Variants in RIMS3 observed in about 807,000 individuals in gnomAD.
RIMS3 encodes regulating synaptic membrane exocytosis 3.
RIMS3 carries 15 observed loss-of-function variants against 29.2 expected under a neutral mutation model. The observed-to-expected ratio is 0.51, with a 90% CI of 0.34 to 0.79. The LOEUF (loss-of-function observed/expected upper bound fraction) is 0.79. RIMS3 is among the 30% of genes least tolerant of loss of function. The pLI, the probability that RIMS3 is intolerant of heterozygous loss-of-function variation, is 0.01. For missense variants in RIMS3, 342 were observed against 421.4 expected (o/e 0.81, Z 1.65); for synonymous variants, 161 against 170.1 (o/e 0.95, Z 0.41).
the RIMS3 span, among the ~76,000 whole-genome samples, chr1:40,683,013 C>T: frequency 6.6e-6 from 1 of 151,996 alleles, no homozygotes; most frequent in Admixed American, 6.6e-5. Flanking sequence ...GCATGAGTCA[C>T]TGTGCCTGGC....
chr1:40,663,807 C>T (rs923862377), intron 1 of RIMS3, among the ~76,000 whole-genome samples: 6 of 152,162 alleles, frequency 3.9e-5, no homozygotes, highest in African/African-American at 1.4e-4. Flanking sequence ...CACCTGGCTC[C>T]TGCACGCCCG....
upstream of RIMS3, among the ~76,000 whole-genome samples, chr1:40,666,384 C>T (rs1642425638): frequency 6.6e-6 from 1 of 152,214 alleles, no homozygotes; most frequent in African/African-American, 2.4e-5. Flanking sequence ...TGCTGCTACA[C>T]GCCTTCAATG....
intron 1 of RIMS3, among the ~76,000 whole-genome samples, chr1:40,658,949 C>A (rs377458698): frequency 1.3e-5 from 2 of 152,104 alleles, no homozygotes; most frequent in Admixed American, 6.5e-5. Context: ...GCCGGAGGTA[C>A]GCAGATGAAC....
chr1:40,661,198 AGAT>A (rs1321000699), intron 1 of RIMS3, among the ~76,000 whole-genome samples: 1 of 152,166 alleles, frequency 6.6e-6, no homozygotes, highest in East Asian at 1.9e-4. Context: ...TATACCACAG[AGAT>A]GATAATAGTA....
the RIMS3 span, among the ~76,000 whole-genome samples, chr1:40,678,449 TCCTCCCTCCCTAAA>T: frequency 6.6e-6 from 1 of 152,080 alleles, no homozygotes; most frequent in Non-Finnish European, 1.5e-5. Context: ...TCTCTTTCTC[TCCTCCCTCCCTAAA>T]CTCTACTCTG....
chr1:40,636,203 GGCTGA>G lies in RIMS3; in HGVS notation c.218-151_218-147del. On this transcript the variant is annotated intron_variant, in intron 3 of 7. Transcript: ENST00000372684. The surrounding 1 kb of genome is among the most constrained non-coding windows in gnomAD (Gnocchi z 4.2). Reference sequence around the variant, plus strand: ...GGGCTCTGACTGGAGGCAGGGGCATGGCTGAGCTGACCTCAGAGCTGGTCTGCAGC... The same window carrying G: ...GGGCTCTGACTGGAGGCAGGGGCATGGCTGACCTCAGAGCTGGTCTGCAGC... 1 of 1,041,594 alleles carries G rather than the reference GGCTGA, an allele frequency of 9.6e-7. No homozygotes were observed. The highest frequency in any genetic ancestry group is 2.6e-4 in the Middle Eastern group (1 of 3,858). 64.5% of individuals were successfully genotyped at this position (1,041,594 alleles called of 1,614,324 possible).
chr1:40,647,767 C>T lies in RIMS3; in HGVS notation c.-131G>A, dbSNP rs369808143. 2.6e-5 allele frequency: 4 copies of T among 151,906 alleles called. No homozygotes were observed. The highest frequency in any genetic ancestry group is 2.1e-4 in the South Asian group (1 of 4,808). 9.4% of individuals were successfully genotyped at this position (151,906 alleles called of 1,614,324 possible). A position where few individuals can be genotyped will look rare whatever the true frequency, so the allele number is the denominator to read the frequency against. On this transcript the variant is annotated 5_prime_UTR_variant, in exon 2 of 8. Coordinates refer to ENST00000372684, the MANE Select transcript of RIMS3 (RefSeq NM_014747.3). Reference sequence around the variant, plus strand: ...GCACAAGGCTTCAATTGACTTCTGCCAAAACACCAATTTTCAAGAAATGAG... The same window carrying T: ...GCACAAGGCTTCAATTGACTTCTGCTAAAACACCAATTTTCAAGAAATGAG...
rs2148357751 is a variant in RIMS3, at chr1:40,654,614, CACAG to C, written c.-206-6776_-206-6773del. On this transcript the variant is annotated intron_variant, in intron 1 of 7. Transcript: ENST00000372684. This position sits in a 1 kb window ranked among gnomAD's most constrained non-coding sequence, Gnocchi z 5.3. Reference sequence around the variant, plus strand: ...TCACATGGCATGGAGATGCAGCTACCACAGACTCACACACATCACACAGACCCAC... The same window carrying C: ...TCACATGGCATGGAGATGCAGCTACCACTCACACACATCACACAGACCCAC... Among the ~76,000 whole-genome samples the C allele has an allele frequency of 6.6e-6, 1 of 152,006 alleles. No individual in the cohort carries two copies. The highest frequency in any genetic ancestry group is 2.4e-5 in the African/African-American group (1 of 41,470).
At position 40,654,290 on chromosome 1, in the gene RIMS3, C is replaced by A. The variant is rs1642240903; in HGVS notation, c.-206-6448G>T. On this transcript the variant is annotated intron_variant, in intron 1 of 7. Coordinates refer to ENST00000372684, the MANE Select transcript of RIMS3 (RefSeq NM_014747.3). The surrounding 1 kb of genome is among the most constrained non-coding windows in gnomAD (Gnocchi z 5.3). ...CCGCGCCTGCTGCCCACCCTGGGGA[C>A]CCTCCTCAGAAACCCAGCACAGGCT... is the stretch of plus-strand genomic sequence containing the variant. Among the ~76,000 whole-genome samples, 1 of 152,206 alleles carries A rather than the reference C, an allele frequency of 6.6e-6. No individual in the cohort carries two copies. The highest frequency in any genetic ancestry group is 2.4e-5 in the African/African-American group (1 of 41,438).
chr1:40,656,170 G>C (rs1642270386), intron 1 of RIMS3, among the ~76,000 whole-genome samples: 1 of 152,204 alleles, frequency 6.6e-6, no homozygotes, highest in Non-Finnish European at 1.5e-5. Flanking sequence ...GGAGGTCAAG[G>C]CTGAGGTGAG....
chr1:40,688,097 T>G, the RIMS3 span, among the ~76,000 whole-genome samples: 90 of 152,308 alleles, frequency 5.9e-4, 2 homozygotes, highest in East Asian at 0.011. Context: ...CCTGAGTAGC[T>G]GGGATTACAG....
chr1:40,650,665 C>T (rs766998082), intron 1 of RIMS3, among the ~76,000 whole-genome samples: 14 of 151,548 alleles, frequency 9.2e-5, no homozygotes, highest in African/African-American at 3.2e-4. Context: ...ATTTTGAGAC[C>T]AGCCTGAGCA....
chr1:40,660,091 G>C (rs1642329674), intron 1 of RIMS3, among the ~76,000 whole-genome samples: 1 of 152,190 alleles, frequency 6.6e-6, no homozygotes, highest in Admixed American at 6.5e-5. Flanking sequence ...GGTGGGCAGC[G>C]AGAGGGTCCA....
chr1:40,626,164 C>A lies in RIMS3; in HGVS notation c.*353G>T. On this transcript the variant is annotated 3_prime_UTR_variant, in exon 8 of 8. Transcript: ENST00000372684. The stretch of plus-strand genomic sequence containing the variant: ...CAGCACCGACCAGTGGCCGCATGCC[C>A]CACCTCCATCCCTGGAGACTCCTCA... 1 of 363,650 alleles carries A rather than the reference C, an allele frequency of 2.7e-6. No homozygotes were observed. The highest frequency in any genetic ancestry group is 5.3e-6 in the Non-Finnish European group (1 of 189,592). 22.5% of individuals were successfully genotyped at this position (363,650 alleles called of 1,614,324 possible).
the RIMS3 span, chr1:40,691,768 C>G: frequency 2.2e-6 from 1 of 455,088 alleles, no homozygotes; most frequent in Non-Finnish European, 4.4e-6. Context: ...CTCCGTGACG[C>G]ACACTTCCCC....
At chr1:40,691,781 C>T in the RIMS3 span, 48 of 453,492 alleles carry the variant, frequency 1.1e-4, no homozygotes, top group African/African-American at 8.8e-4. Context: ...ACTTCCCCCT[C>T]CCCTCCGCCG....
chr1:40,665,506 C>G lies in RIMS3; in HGVS notation c.-319G>C, dbSNP rs1438162454. The stretch of plus-strand genomic sequence containing the variant: ...CCCGCCCCGCGAACCCGGCAGTAGG[C>G]GCGGCCCGGCCCCAGGCTGGCGCGG... On this transcript the variant is annotated 5_prime_UTR_variant, in exon 1 of 8. Coordinates refer to ENST00000372684, the MANE Select transcript of RIMS3 (RefSeq NM_014747.3). The G allele has an allele frequency of 6.6e-6, 1 of 152,160 alleles. No homozygotes were observed. Among genetic ancestry groups the G allele is most frequent in the Non-Finnish European group, 1.5e-5 (1 of 68,062 alleles). 9.4% of individuals were successfully genotyped at this position (152,160 alleles called of 1,614,324 possible).
chr1:40,638,614 G>A (rs545319684), intron 3 of RIMS3, among the ~76,000 whole-genome samples: 2 of 152,182 alleles, frequency 1.3e-5, no homozygotes, highest in Non-Finnish European at 2.9e-5. Flanking sequence ...CCAGAGTCCA[G>A]AAGGGGAAAG....
chr1:40,690,954 T>C, the RIMS3 span: 1 of 152,250 alleles, frequency 6.6e-6, no homozygotes, highest in Non-Finnish European at 1.5e-5. Flanking sequence ...GTTTTGACAC[T>C]TACTAGCTGT....
Sources: gnomAD v4.1 joint callset for allele counts (sites outside exome capture counted in the v4.1 genomes callset) on GRCh38, gnomAD v4.1.1 for gene constraint, Gnocchi (gnomAD v3.1) non-coding constraint, MANE v1.5 for transcripts, NCBI Gene and HGNC (gene_info 2026-07-23, HGNC 2026-07-21) for gene names.